Variants in STAU2 observed in about 807,000 individuals in gnomAD.
STAU2 encodes double-stranded RNA-binding protein Staufen homolog 2.
In STAU2, 20 loss-of-function variants were observed where a neutral mutation model predicts 65.9. The ratio of observed to expected loss-of-function variants is 0.30; its 90% CI spans 0.21 to 0.44. STAU2 has a LOEUF of 0.44. Among genes scored for constraint, STAU2 ranks in the 20% least tolerant of loss-of-function variants. The pLI is 1.00. For missense variants in STAU2, 558 were observed against 683.9 expected, an observed-to-expected ratio of 0.82 and a Z score of 2.05; for synonymous variants, 232 against 233.9, an observed-to-expected ratio of 0.99 and a Z score of 0.07.
intron 13 of STAU2, among the ~76,000 whole-genome samples, chr8:73,448,840 G>A (rs1022312560): frequency 2.6e-5 from 4 of 152,260 alleles, no homozygotes; most frequent in Non-Finnish European, 4.4e-5. Context: ...CTGCACTGTG[G>A]GAACGCAAGT....
intron 3 of STAU2, among the ~76,000 whole-genome samples, chr8:73,737,718 A>G (rs562326327): frequency 2.7e-4 from 41 of 151,942 alleles, no homozygotes; most frequent in Admixed American, 1.0e-3. Context: ...ATTTTCTAAC[A>G]CTATAGTTAT....
chr8:73,667,983 C>T (rs931885165), intron 6 of STAU2, among the ~76,000 whole-genome samples: 10 of 152,136 alleles, frequency 6.6e-5, no homozygotes, highest in Non-Finnish European at 1.0e-4. Flanking sequence ...TTGTACCCTG[C>T]GGAGTAGTTT....
intron 6 of STAU2, among the ~76,000 whole-genome samples, chr8:73,635,189 T>C (rs1028312744): frequency 7.4e-4 from 112 of 152,310 alleles, no homozygotes; most frequent in African/African-American, 2.6e-3. Context: ...AATAAAGCAG[T>C]AACCCTATTT....
At chr8:73,587,032 T>C (rs1810424846) in intron 11 of STAU2, among the ~76,000 whole-genome samples, 1 of 152,010 alleles carries the variant, frequency 6.6e-6, no homozygotes, top group Non-Finnish European at 1.5e-5. Context: ...CAAATACACA[T>C]ATAAAATACA....
intron 13 of STAU2, among the ~76,000 whole-genome samples, chr8:73,434,892 C>G (rs1024970382): frequency 5.9e-5 from 9 of 151,900 alleles, no homozygotes; most frequent in Non-Finnish European, 5.9e-5. Context: ...TTAATAACTC[C>G]CGCCCCTAGA....
intron 3 of STAU2, among the ~76,000 whole-genome samples, chr8:73,717,616 TTG>T (rs1283108018): frequency 7.3e-6 from 1 of 136,702 alleles, no homozygotes; most frequent in East Asian, 2.1e-4. Context: ...ACTGATCTAT[TTG>T]TCTTTTGTTG....
At chr8:73,747,339 G>C, upstream of STAU2, 2 of 1,528,026 alleles carry the variant, frequency 1.3e-6, no homozygotes, top group Non-Finnish European at 1.8e-6. Context: ...CCGACTGACC[G>C]TCTGCTCTTT....
intron 13 of STAU2, among the ~76,000 whole-genome samples, chr8:73,427,606 C>T (rs765907317): frequency 2.6e-5 from 4 of 152,234 alleles, no homozygotes; most frequent in Non-Finnish European, 1.5e-5. Flanking sequence ...AGTGCTAAGG[C>T]GGCTATGCTG....
intron 9 of STAU2, among the ~76,000 whole-genome samples, chr8:73,608,777 G>A (rs1586113168): frequency 6.6e-6 from 1 of 151,990 alleles, no homozygotes; most frequent in Admixed American, 6.6e-5. Context: ...GGATCACAAG[G>A]TCAGGAGTTC....
chr8:73,574,727 G>A (rs1446885151), intron 12 of STAU2, among the ~76,000 whole-genome samples: 2 of 152,062 alleles, frequency 1.3e-5, no homozygotes, highest in Non-Finnish European at 2.9e-5. Flanking sequence ...TGGACACAGG[G>A]TGAGGAACAT....
intron 6 of STAU2, among the ~76,000 whole-genome samples, chr8:73,645,881 C>T (rs1420857526): frequency 6.6e-6 from 1 of 152,118 alleles, no homozygotes; most frequent in Non-Finnish European, 1.5e-5. Context: ...ATCACGAGAA[C>T]AGCACCAAGG....
At chr8:73,643,890 A>G (rs768360637) in intron 6 of STAU2, among the ~76,000 whole-genome samples, 10 of 152,256 alleles carry the variant, frequency 6.6e-5, no homozygotes, top group Non-Finnish European at 1.5e-4. Context: ...AGCATAGTAT[A>G]TAATTTGCAT....
intron 4 of STAU2, 42 bp from the exon 5 acceptor site, chr8:73,688,855 T>C (rs1444982236): frequency 2.5e-6 from 4 of 1,588,958 alleles, no homozygotes; most frequent in Non-Finnish European, 3.4e-6. Flanking sequence ...TTAAGACTTT[T>C]CCAAGAAATA....
chr8:73,479,296 G>A (rs1585842503), intron 13 of STAU2, among the ~76,000 whole-genome samples: 2 of 151,950 alleles, frequency 1.3e-5, no homozygotes, highest in East Asian at 3.9e-4. Flanking sequence ...TAAATAATTT[G>A]TCTGAATTTT....
At chr8:73,449,662 G>A (rs1818686572) in intron 13 of STAU2, among the ~76,000 whole-genome samples, 1 of 152,060 alleles carries the variant, frequency 6.6e-6, no homozygotes, top group African/African-American at 2.4e-5. Context: ...CCTGGGGCTG[G>A]GTGGGCAGTG....
At chr8:73,495,457 T>C (rs976116682) in intron 13 of STAU2, among the ~76,000 whole-genome samples, 1 of 151,410 alleles carries the variant, frequency 6.6e-6, no homozygotes, top group Non-Finnish European at 1.5e-5. Context: ...AACAAGTTAT[T>C]TTTTAAAACA....
intron 5 of STAU2, among the ~76,000 whole-genome samples, chr8:73,681,735 C>A (rs1818449303): frequency 6.6e-6 from 1 of 151,986 alleles, no homozygotes; most frequent in South Asian, 2.1e-4. Context: ...AAGGGACTCA[C>A]CTAACACATA....
At position 73,669,175 on chromosome 8, in the gene STAU2, G is replaced by A. The variant is rs1008784251; in HGVS notation, c.410+3932C>T. Reference sequence around the variant, plus strand: ...AGCCTACTGAGTAATGGTTAGGTCTGCGCTTCTGTGAGCAGAAAGAGCTTT... The same window carrying A: ...AGCCTACTGAGTAATGGTTAGGTCTACGCTTCTGTGAGCAGAAAGAGCTTT... On this transcript the variant is annotated intron_variant, in intron 6 of 14. Coordinates refer to ENST00000524300, the MANE Select transcript of STAU2 (RefSeq NM_001164380.2). 36 of 684,492 alleles carry A rather than the reference G, an allele frequency of 5.3e-5. 1 individual carries two copies. The African/African-American group carries it at 5.7e-4, about 11-fold the overall frequency. 42.4% of individuals were successfully genotyped at this position (684,492 alleles called of 1,614,324 possible).
chr8:73,743,395 C>T (rs765173100), intron 1 of STAU2, among the ~76,000 whole-genome samples: 2 of 151,742 alleles, frequency 1.3e-5, no homozygotes, highest in Admixed American at 6.6e-5. Flanking sequence ...AGGTTTAGAA[C>T]GGTTCATTCT....
Sources: gnomAD v4.1 joint callset for allele counts (sites outside exome capture counted in the v4.1 genomes callset) on GRCh38, gnomAD v4.1.1 for gene constraint, MANE v1.5 for transcripts, NCBI Gene and HGNC (gene_info 2026-07-23, HGNC 2026-07-21) for gene names.